The following PAFAH1B1 variants were observed in gnomAD, a reference collection of about 807,000 sequenced individuals.
The protein encoded by PAFAH1B1 is platelet activating factor acetylhydrolase 1b regulatory subunit 1, also known as platelet-activating factor acetylhydrolase IB subunit beta.
In PAFAH1B1, 2 loss-of-function variants were observed where a neutral mutation model predicts 57.5. That is an observed-to-expected ratio of 0.03 (90% CI 0.01 to 0.11). The LOEUF is 0.11. PAFAH1B1 is among the 10% of genes least tolerant of loss of function. The pLI is 1.00. For synonymous variants in PAFAH1B1, 152 were observed against 169.6 expected (o/e 0.90, Z 0.81); for missense variants, 257 against 512.0 (o/e 0.50, Z 4.81).
At chr17:2,654,595 G>T (rs141334004) in intron 2 of PAFAH1B1, among the ~76,000 whole-genome samples, 57 of 152,178 alleles carry the variant, frequency 3.7e-4, no homozygotes, top group African/African-American at 1.3e-3. Flanking sequence ...AATTAAAAAG[G>T]CCCTCTGAGT....
intron 2 of PAFAH1B1, among the ~76,000 whole-genome samples, chr17:2,658,115 C>T (rs775991379): frequency 6.6e-6 from 1 of 152,166 alleles, no homozygotes; most frequent in Non-Finnish European, 1.5e-5. Flanking sequence ...TCTCTGGAAA[C>T]GTAGCTGACC....
At chr17:2,600,596 G>T (rs939882941) in intron 1 of PAFAH1B1, among the ~76,000 whole-genome samples, 3 of 139,314 alleles carry the variant, frequency 2.2e-5, no homozygotes, top group African/African-American at 8.0e-5. Flanking sequence ...ACCAAAAAAA[G>T]AAAGAATATG....
chr17:2,604,116 C>T (rs1200855736), intron 1 of PAFAH1B1, among the ~76,000 whole-genome samples: 1 of 151,962 alleles, frequency 6.6e-6, no homozygotes, highest in Admixed American at 6.6e-5. Context: ...TGGCTCACTG[C>T]AACCTCCACC....
At chr17:2,672,796 G>T (rs765229231) in intron 7 of PAFAH1B1, 39 bp downstream of exon 7, 1 of 1,295,736 alleles carries the variant, frequency 7.7e-7, no homozygotes, top group Non-Finnish European at 1.1e-6. Flanking sequence ...GCGGCCAGGT[G>T]CAGTGGCTCA....
intron 1 of PAFAH1B1, chr17:2,613,501 GAAGATGTGGCCCAGGCGCCT>G (rs2068292800): frequency 1.2e-5 from 3 of 249,950 alleles, no homozygotes; most frequent in Non-Finnish European, 2.4e-5. Context: ...TGGCCATGTA[GAAGATGTGGCCCAGGCGCCT>G]GGCCACCTGG....
rs752590727 is a variant in PAFAH1B1, at chr17:2,615,911, C to T, written c.-191+21905C>T. 3.3e-5 allele frequency among the ~76,000 whole-genome samples: 5 copies of T among 152,094 alleles called. No individual in the cohort carries two copies. In the East Asian group the frequency reaches 7.7e-4, roughly 24 times the overall value. On this transcript the variant is annotated intron_variant, in intron 1 of 10. Transcript: ENST00000397195. Reference sequence around the variant, plus strand: ...TCCAGGAGGTGATAAGGTAGACAGACTGAGAAAGAAGACACAAGGAGAGAA... The same window carrying T: ...TCCAGGAGGTGATAAGGTAGACAGATTGAGAAAGAAGACACAAGGAGAGAA...
intron 2 of PAFAH1B1, among the ~76,000 whole-genome samples, chr17:2,657,718 G>A (rs868235114): frequency 6.6e-6 from 1 of 151,924 alleles, no homozygotes; most frequent in South Asian, 2.1e-4. Context: ...CATTTCTCTC[G>A]TCTTTGAATT....
upstream of PAFAH1B1, among the ~76,000 whole-genome samples, chr17:2,593,484 C>A (rs968579392): frequency 1.3e-5 from 2 of 151,714 alleles, no homozygotes; most frequent in Non-Finnish European, 2.9e-5. Context: ...CTCAGCCGCC[C>A]GCCCGCTAGA....
intron 1 of PAFAH1B1, among the ~76,000 whole-genome samples, chr17:2,608,320 G>T (rs369152852): frequency 1.1e-3 from 166 of 152,064 alleles, no homozygotes; most frequent in Non-Finnish European, 1.9e-3. Flanking sequence ...TCCTGACCTC[G>T]TGATCCACTG....
At chr17:2,600,203 C>T (rs887151447) in intron 1 of PAFAH1B1, among the ~76,000 whole-genome samples, 3 of 151,938 alleles carry the variant, frequency 2.0e-5, no homozygotes, top group Non-Finnish European at 4.4e-5. Context: ...GAGTTGGCCT[C>T]CCAAAGTGCT....
chr17:2,606,329 C>T (rs1454641100), intron 1 of PAFAH1B1, among the ~76,000 whole-genome samples: 1 of 152,076 alleles, frequency 6.6e-6, no homozygotes, highest in Non-Finnish European at 1.5e-5. Flanking sequence ...ATCATGAGAC[C>T]TATGCCCAAT....
chr17:2,623,784 A>ATCCCAGCCACGGTAGCTGGGC, intron 1 of PAFAH1B1, among the ~76,000 whole-genome samples: 1 of 151,542 alleles, frequency 6.6e-6, no homozygotes, highest in African/African-American at 2.4e-5. Context: ...AGTAGCTGGG[A>ATCCCAGCCACGGTAGCTGGGC]TTAGCCACCA....
chr17:2,633,225 T>A (rs9889349), intron 1 of PAFAH1B1, among the ~76,000 whole-genome samples: 40,320 of 150,768 alleles, frequency 0.27, 5,630 homozygotes, highest in Middle Eastern at 0.35. Context: ...GGCAGTGCAG[T>A]GATGCAATCT....
In PAFAH1B1 at chr17:2,682,032, CT is replaced by C. The variant is rs1255638971; in HGVS notation, c.*231del. ...TAGAAGTACCATAGGGTTTAAAAAC[CT>C]GGGCTGGCATTGGTCACACCAGGCC... is the stretch of plus-strand genomic sequence containing the variant. On this transcript the variant is annotated 3_prime_UTR_variant, in exon 11 of 11. Transcript: ENST00000397195. The C allele has an allele frequency of 4.1e-6, 2 of 484,268 alleles. No individual in the cohort carries two copies. The highest frequency in any genetic ancestry group is 6.5e-5 in the East Asian group (2 of 30,766). 30.0% of individuals were successfully genotyped at this position (484,268 alleles called of 1,614,324 possible). A position where few individuals can be genotyped will look rare whatever the true frequency, so the allele number is the denominator to read the frequency against.
At chr17:2,681,658 AG>A in intron 10 of PAFAH1B1, 70 bp from the exon 11 acceptor site, 1 of 1,156,240 alleles carries the variant, frequency 8.6e-7, no homozygotes, top group Non-Finnish European at 1.3e-6. Flanking sequence ...TTTTGTAGAG[AG>A]GGGGTCTCAC....
chr17:2,622,475 C>T (rs2068436538), intron 1 of PAFAH1B1, among the ~76,000 whole-genome samples: 1 of 152,168 alleles, frequency 6.6e-6, no homozygotes, highest in East Asian at 1.9e-4. Context: ...GCGGGACAGT[C>T]AAATTTTAAA....
intron 1 of PAFAH1B1, among the ~76,000 whole-genome samples, chr17:2,637,802 G>A (rs2068643122): frequency 6.6e-6 from 1 of 152,144 alleles, no homozygotes; most frequent in Non-Finnish European, 1.5e-5. Context: ...CATTCGTTTA[G>A]AGTTACATGT....
chr17:2,619,320 A>G (rs888289566), intron 1 of PAFAH1B1, among the ~76,000 whole-genome samples: 3 of 152,002 alleles, frequency 2.0e-5, no homozygotes, highest in African/African-American at 4.8e-5. Flanking sequence ...ACACCCGGCT[A>G]ATTAAAAAAA....
chr17:2,654,901 C>T (rs185490968), intron 2 of PAFAH1B1, among the ~76,000 whole-genome samples: 1 of 151,454 alleles, frequency 6.6e-6, no homozygotes, highest in South Asian at 2.1e-4. Flanking sequence ...CTCAGCCTCT[C>T]GAAGTGCTGG....
Sources: allele counts gnomAD v4.1 joint callset (sites outside exome capture counted in the v4.1 genomes callset), GRCh38; gene constraint gnomAD v4.1.1; transcripts MANE v1.5; gene names NCBI Gene and HGNC (gene_info 2026-07-23, HGNC 2026-07-21).